The following SMIM13 variants were observed in gnomAD, a reference collection of about 807,000 sequenced individuals.
The protein encoded by SMIM13 is small integral membrane protein 13.
Under a neutral mutation model 5.9 loss-of-function variants are expected in SMIM13, and 3 were observed. That is an observed-to-expected ratio of 0.51 (90% CI 0.23 to 1.31). The LOEUF is 1.31. SMIM13 is among the 40% of genes most tolerant of loss of function. The pLI is 0.18. For synonymous variants in SMIM13, 55 were observed against 46.0 expected (o/e 1.19, Z -0.79); for missense variants, 85 against 109.9 (o/e 0.77, Z 1.01).
chr6:11,132,297 T>C (rs899888319), intron 1 of SMIM13, among the ~76,000 whole-genome samples: 1 of 152,152 alleles, frequency 6.6e-6, no homozygotes, highest in East Asian at 1.9e-4. Flanking sequence ...GTAGAGAAAT[T>C]GGAACCTCAT....
chr6:11,121,245 T>C (rs1758305508), intron 1 of SMIM13, among the ~76,000 whole-genome samples: 1 of 152,224 alleles, frequency 6.6e-6, no homozygotes, highest in South Asian at 2.1e-4. Context: ...CTTTCTTCTT[T>C]CACTCTCTAC....
intron 1 of SMIM13, among the ~76,000 whole-genome samples, chr6:11,120,049 G>A (rs926363121): frequency 2.6e-5 from 4 of 152,162 alleles, no homozygotes; most frequent in Non-Finnish European, 5.9e-5. Flanking sequence ...TGGAAATAAG[G>A]TAATAAGATT....
At chr6:11,130,713 G>T (rs1758441901) in intron 1 of SMIM13, among the ~76,000 whole-genome samples, 2 of 152,196 alleles carry the variant, frequency 1.3e-5, no homozygotes, top group Non-Finnish European at 2.9e-5. Flanking sequence ...GAGAGAGTCT[G>T]TGATCTAGCT....
intron 1 of SMIM13, among the ~76,000 whole-genome samples, chr6:11,099,753 G>A (rs1385173038): frequency 2.0e-5 from 3 of 152,228 alleles, no homozygotes; most frequent in African/African-American, 7.2e-5. Flanking sequence ...TCCTAGTGGT[G>A]AGGGTAGAGG....
chr6:11,102,974 A>T (rs1758018054), intron 1 of SMIM13: 1 of 152,256 alleles, frequency 6.6e-6, no homozygotes, highest in Non-Finnish European at 1.5e-5. Flanking sequence ...TAGGCCCTTG[A>T]CTTGGGGTTT....
At chr6:11,120,656 G>T (rs1758297523) in intron 1 of SMIM13, among the ~76,000 whole-genome samples, 1 of 152,184 alleles carries the variant, frequency 6.6e-6, no homozygotes, top group African/African-American at 2.4e-5. Flanking sequence ...ATAGTGCTTT[G>T]TGTTTCAGTC....
chr6:11,113,981 T>C lies in SMIM13; in HGVS notation c.76+19592T>C, dbSNP rs534959108. Among the ~76,000 whole-genome samples, 363 of 151,260 alleles carry C rather than the reference T, an allele frequency of 2.4e-3. 4 individuals carry two copies. Among genetic ancestry groups the C allele is most frequent in the Middle Eastern group, 3.4e-3 (1 of 294 alleles). ...CATATAAAGTTATTCTTTTTGTTTT[T>C]TTTTTTTAATTTTTTTGAGACGGAA... On this transcript the variant is annotated intron_variant, in intron 1 of 1. Transcript: ENST00000416247.
In SMIM13 at chr6:11,137,119, A is replaced by T. The variant is rs530395987; in HGVS notation, c.*2517A>T. On this transcript the variant is annotated 3_prime_UTR_variant, in exon 2 of 2. Transcript: ENST00000416247. ...ATGTTGGCATTATTTATTGACATTT[A>T]TGCTTCAAGCATGTCTTATTTTATG... 1.1e-4 allele frequency: 16 copies of T among 152,132 alleles called. No homozygotes were observed. The highest frequency in any genetic ancestry group is 1.8e-4 in the Non-Finnish European group (12 of 68,006). 9.4% of individuals were successfully genotyped at this position (152,132 alleles called of 1,614,324 possible). A position where few individuals can be genotyped will look rare whatever the true frequency, so the allele number is the denominator to read the frequency against.
chr6:11,131,125 G>A (rs978568064), intron 1 of SMIM13, among the ~76,000 whole-genome samples: 16 of 152,122 alleles, frequency 1.1e-4, no homozygotes, highest in Admixed American at 3.3e-4. Context: ...TAACCTAAGA[G>A]TTAAGAGAAG....
chr6:11,117,165 A>ATTTTTTTTTTTTTTTTTTTT (rs34579750), intron 1 of SMIM13, among the ~76,000 whole-genome samples: 4 of 69,032 alleles, frequency 5.8e-5, no homozygotes, highest in African/African-American at 1.6e-4. Context: ...TAATTTTTGT[A>ATTTTTTTTTTTTTTTTTTTT]TTTTTTTTTT....
chr6:11,113,375 A>C (rs1331294695), intron 1 of SMIM13, among the ~76,000 whole-genome samples: 1 of 152,064 alleles, frequency 6.6e-6, no homozygotes, highest in Non-Finnish European at 1.5e-5. Context: ...ATGACTAATT[A>C]TTTTCAGCAT....
At chr6:11,126,872 G>A (rs760515718) in intron 1 of SMIM13, among the ~76,000 whole-genome samples, 4 of 152,162 alleles carry the variant, frequency 2.6e-5, no homozygotes, top group East Asian at 3.9e-4. Context: ...CAGTTATGCC[G>A]TGGCTCTTGC....
intron 1 of SMIM13, among the ~76,000 whole-genome samples, chr6:11,106,798 G>A (rs1758090423): frequency 1.3e-5 from 2 of 152,140 alleles, no homozygotes; most frequent in Admixed American, 6.6e-5. Flanking sequence ...GTGCACTATT[G>A]TCACCTCCTG....
At chr6:11,094,814 G>A (rs1318052640) in intron 1 of SMIM13, among the ~76,000 whole-genome samples, 1 of 152,156 alleles carries the variant, frequency 6.6e-6, no homozygotes, top group African/African-American at 2.4e-5. Flanking sequence ...GTAGAGTTGG[G>A]TTTTCAGCAC....
At chr6:11,104,301 A>G (rs1404735001) in intron 1 of SMIM13, 2 of 1,551,688 alleles carry the variant, frequency 1.3e-6, no homozygotes, top group East Asian at 2.4e-5. Context: ...ATAGATTGGT[A>G]TTGGAAGAGA....
At chr6:11,133,189 C>G (rs2113670996) in intron 1 of SMIM13, among the ~76,000 whole-genome samples, 1 of 152,242 alleles carries the variant, frequency 6.6e-6, no homozygotes, top group African/African-American at 2.4e-5. Flanking sequence ...AGAGAAGATG[C>G]TAATTTGGAA....
intron 1 of SMIM13, among the ~76,000 whole-genome samples, chr6:11,127,887 T>C (rs1443369500): frequency 6.6e-6 from 1 of 152,160 alleles, no homozygotes; most frequent in Non-Finnish European, 1.5e-5. Flanking sequence ...TGGTGAATGC[T>C]GTCAGGACTT....
At chr6:11,127,728 A>G (rs571224008) in intron 1 of SMIM13, among the ~76,000 whole-genome samples, 4 of 152,220 alleles carry the variant, frequency 2.6e-5, no homozygotes, top group Non-Finnish European at 5.9e-5. Flanking sequence ...ACTGCTCCCC[A>G]TGATTCAATT....
intron 1 of SMIM13, 108 bp from the exon 2 acceptor site, chr6:11,134,295 T>A: frequency 1.5e-6 from 1 of 673,290 alleles, no homozygotes; most frequent in Non-Finnish European, 2.4e-6. Context: ...TGTAATTATG[T>A]ATATTTTTAT....
Sources: gnomAD v4.1 joint callset for allele counts (sites outside exome capture counted in the v4.1 genomes callset) on GRCh38, gnomAD v4.1.1 for gene constraint, MANE v1.5 for transcripts, NCBI Gene and HGNC (gene_info 2026-07-23, HGNC 2026-07-21) for gene names.